Variants in PRICKLE1 observed in about 807,000 individuals in gnomAD.
PRICKLE1 encodes the protein prickle planar cell polarity protein 1, also known as prickle-like protein 1.
Under a neutral mutation model 70.2 loss-of-function variants are expected in PRICKLE1, and 14 were observed. The ratio of observed to expected loss-of-function variants is 0.20; its 90% CI spans 0.13 to 0.31. PRICKLE1 has a LOEUF of 0.31. Ranked by LOEUF, PRICKLE1 falls within the 10% of genes least tolerant of loss-of-function variation. The pLI, the probability that PRICKLE1 is intolerant of heterozygous loss-of-function variation, is 1.00. For missense variants in PRICKLE1, 821 were observed against 1,026.2 expected (o/e 0.80, Z 2.73); for synonymous variants, 357 against 379.9 (o/e 0.94, Z 0.70).
intron 1 of PRICKLE1, among the ~76,000 whole-genome samples, chr12:42,538,551 C>CAG (rs1940053407): frequency 6.6e-6 from 1 of 152,196 alleles, no homozygotes; most frequent in Non-Finnish European, 1.5e-5. Flanking sequence ...TGCTACCGGT[C>CAG]AGAGGATCAC....
chr12:42,546,450 C>T (rs944157231), intron 1 of PRICKLE1, among the ~76,000 whole-genome samples: 19 of 152,292 alleles, frequency 1.2e-4, no homozygotes, highest in African/African-American at 4.3e-4. Flanking sequence ...TTGAGGCAAA[C>T]TGAGTAAAGA....
intron 1 of PRICKLE1, among the ~76,000 whole-genome samples, chr12:42,561,709 T>C (rs1438955782): frequency 1.3e-5 from 2 of 152,118 alleles, no homozygotes; most frequent in African/African-American, 4.8e-5. Flanking sequence ...TTAATGAAAA[T>C]GACTCAATGC....
intron 1 of PRICKLE1, among the ~76,000 whole-genome samples, chr12:42,528,399 C>G (rs1029995297): frequency 6.6e-6 from 1 of 152,042 alleles, no homozygotes; most frequent in Non-Finnish European, 1.5e-5. Context: ...TTATGGAAGT[C>G]TTACTGAAGC....
rs143645243 is a variant in PRICKLE1 at position 42,469,510 on chromosome 12, T to G, written c.324A>C (p.Ala108=). Residue 108 remains alanine, a synonymous_variant, in exon 4 of 8, where the codon GCA becomes GCC. Coordinates refer to ENST00000345127, the MANE Select transcript of PRICKLE1 (RefSeq NM_153026.3). ...QVFSAQRKKE[A]LGRGTIKLLS... ...GAAGCTTAATTGTTCCTCTTCCCAG[T>G]GCTTCTTTCTTCCGCTGAGCACTGA... 6.2e-7 allele frequency: 1 copy of G among 1,614,204 alleles called. No individual in the cohort carries two copies.
At chr12:42,491,582 G>T (rs1248707278) in intron 1 of PRICKLE1, among the ~76,000 whole-genome samples, 1 of 151,898 alleles carries the variant, frequency 6.6e-6, no homozygotes, top group Non-Finnish European at 1.5e-5. Context: ...AACATTAAAA[G>T]AGCTCAGGGG....
intron 1 of PRICKLE1, among the ~76,000 whole-genome samples, chr12:42,578,451 G>C (rs1454771573): frequency 1.3e-5 from 2 of 151,982 alleles, no homozygotes; most frequent in African/African-American, 4.8e-5. Flanking sequence ...CTTCCTTGTT[G>C]CACATATTCA....
intron 1 of PRICKLE1, among the ~76,000 whole-genome samples, chr12:42,474,276 AAAATAAAATAAAAT>A: frequency 6.6e-6 from 1 of 152,218 alleles, no homozygotes; most frequent in East Asian, 1.9e-4. Context: ...CGTCTCGAAA[AAAATAAAATAAAAT>A]AAAACTTGAT....
intron 1 of PRICKLE1, among the ~76,000 whole-genome samples, chr12:42,486,621 C>T (rs574098619): frequency 6.6e-6 from 1 of 152,282 alleles, no homozygotes; most frequent in South Asian, 2.1e-4. Flanking sequence ...AGATAAAGGA[C>T]ACAGTACAAA....
chr12:42,477,492 A>ATATATATATATATGTG, intron 1 of PRICKLE1, among the ~76,000 whole-genome samples: 1 of 15,456 alleles, frequency 6.5e-5, no homozygotes, highest in South Asian at 1.5e-3. Context: ...GTATATATAT[A>ATATATATATATATGTG]TATATATATA....
chr12:42,554,814 T>G (rs1333535123), intron 1 of PRICKLE1, among the ~76,000 whole-genome samples: 2 of 152,122 alleles, frequency 1.3e-5, no homozygotes, highest in Non-Finnish European at 2.9e-5. Flanking sequence ...ACCAACTCTT[T>G]CCCTAAGGTA....
chr12:42,471,445 T>A (rs190427113), intron 2 of PRICKLE1, among the ~76,000 whole-genome samples: 1 of 152,246 alleles, frequency 6.6e-6, no homozygotes, highest in Admixed American at 6.5e-5. Context: ...AAGAAGGGAT[T>A]CTCTCTAAGT....
intron 1 of PRICKLE1, among the ~76,000 whole-genome samples, chr12:42,521,608 G>C (rs948189073): frequency 1.3e-5 from 2 of 152,106 alleles, no homozygotes; most frequent in Non-Finnish European, 2.9e-5. Flanking sequence ...GCTGAGGTCG[G>C]GGGGATCGCT....
chr12:42,524,331 T>C (rs1212718343), intron 1 of PRICKLE1, among the ~76,000 whole-genome samples: 1 of 152,212 alleles, frequency 6.6e-6, no homozygotes, highest in Non-Finnish European at 1.5e-5. Flanking sequence ...AAAGTTTTCC[T>C]GAAATAATCA....
chr12:42,489,011 C>T (rs1939040853), intron 1 of PRICKLE1, among the ~76,000 whole-genome samples: 1 of 151,556 alleles, frequency 6.6e-6, no homozygotes, highest in African/African-American at 2.4e-5. Flanking sequence ...ACAACCTCCG[C>T]CTCCCAGGTT....
At position 42,527,332 on chromosome 12, in the gene PRICKLE1, C is replaced by T. The variant is rs1328443834; in HGVS notation, c.-48-54768G>A. Among the ~76,000 whole-genome samples, 3 of 151,966 alleles carry T rather than the reference C, an allele frequency of 2.0e-5. 1 individual carries two copies. Among genetic ancestry groups the T allele is most frequent in the Non-Finnish European group, 1.5e-5 (1 of 67,994 alleles). On this transcript the variant is annotated intron_variant, in intron 1 of 7. Coordinates refer to ENST00000345127, the MANE Select transcript of PRICKLE1 (RefSeq NM_153026.3). ...ATTTTTAGTAGAGAAGGGGTTTTGC[C>T]ATGTTGGCCAGGCTGGCCTTGAACT...
Position 42,464,518 on chromosome 12 carries a change from C to G in PRICKLE1, c.1516G>C (p.Ala506Pro). The G allele has an allele frequency of 6.2e-7, 1 of 1,614,016 alleles. No homozygotes were observed. Among genetic ancestry groups the G allele is most frequent in the Middle Eastern group, 1.6e-4 (1 of 6,062 alleles). Residue 506 changes from alanine to proline, a missense_variant, in exon 7 of 8, where the codon GCT (alanine) becomes CCT (proline). Physicochemically the swap from Ala to Pro is conservative, Grantham distance 27 (BLOSUM62 -1). Coordinates refer to ENST00000345127, the MANE Select transcript of PRICKLE1 (RefSeq NM_153026.3). The surrounding 1 kb of genome is among the most constrained non-coding windows in gnomAD (Gnocchi z 4.2). ...GTTTCATCATGATTATACCCTGAAG[C>G]CCCATGGTCCAGTTCCAATTCCTGA... ...RLQELELDHGASGYNHDETQW... is the reference protein window; with the variant it reads ...RLQELELDHGPSGYNHDETQW...
intron 1 of PRICKLE1, among the ~76,000 whole-genome samples, chr12:42,560,793 C>G (rs896384357): frequency 1.6e-5 from 1 of 61,366 alleles, no homozygotes; most frequent in Non-Finnish European, 3.1e-5. Flanking sequence ...CACACACACA[C>G]ACACACACAC....
intron 1 of PRICKLE1, among the ~76,000 whole-genome samples, chr12:42,519,955 G>A (rs778933441): frequency 2.0e-5 from 3 of 152,098 alleles, no homozygotes; most frequent in Non-Finnish European, 4.4e-5. Context: ...CTACAGATGC[G>A]AGCCATTGCA....
intron 1 of PRICKLE1, among the ~76,000 whole-genome samples, chr12:42,586,346 A>C (rs1254579998): frequency 2.6e-5 from 4 of 151,764 alleles, no homozygotes; most frequent in Non-Finnish European, 5.9e-5. Context: ...TACTTTTAAC[A>C]TTTCTATTCA....
Sources: allele counts gnomAD v4.1 joint callset (sites outside exome capture counted in the v4.1 genomes callset), GRCh38; gene constraint gnomAD v4.1.1; non-coding constraint Gnocchi (gnomAD v3.1); transcripts MANE v1.5; gene names NCBI Gene and HGNC (gene_info 2026-07-23, HGNC 2026-07-21).